Variants in PKHD1L1 observed in about 807,000 individuals in gnomAD.
The protein encoded by PKHD1L1 is PKHD1 like 1, also known as fibrocystin-L.
A neutral mutation model predicts 462.9 loss-of-function variants in PKHD1L1; 434 were observed. The ratio of observed to expected loss-of-function variants is 0.94; its 90% CI spans 0.87 to 1.02. PKHD1L1 has a LOEUF of 1.02. PKHD1L1 is among the 50% of genes least tolerant of loss of function. The pLI is 0.00. For synonymous variants in PKHD1L1, 1,781 were observed against 1,750.0 expected, an observed-to-expected ratio of 1.02 and a Z score of -0.44; for missense variants, 5,202 against 5,096.1, an observed-to-expected ratio of 1.02 and a Z score of -0.63.
At chr8:109,371,273 CATGTGTTTTTTGACTGCATGA>C (rs1346240814) in intron 2 of PKHD1L1, among the ~76,000 whole-genome samples, 1 of 152,184 alleles carries the variant, frequency 6.6e-6, no homozygotes, top group East Asian at 1.9e-4. Flanking sequence ...AGCATTTTTT[CATGTGTTTTTTGACTGCATGA>C]ATGTCTTCTT....
chr8:109,435,745 G>A (rs1815372201), intron 29 of PKHD1L1, among the ~76,000 whole-genome samples: 1 of 152,140 alleles, frequency 6.6e-6, no homozygotes, highest in African/African-American at 2.4e-5. Flanking sequence ...GGAAAGGAGG[G>A]CTAACACACA....
At chr8:109,399,096 T>C (rs1813122316) in intron 12 of PKHD1L1, among the ~76,000 whole-genome samples, 1 of 152,168 alleles carries the variant, frequency 6.6e-6, no homozygotes, top group Admixed American at 6.6e-5. Flanking sequence ...TCATATCTTG[T>C]TCGCACCGTG....
At chr8:109,502,567 TCAGAACCCAAC>T (rs1441359914) in intron 67 of PKHD1L1, among the ~76,000 whole-genome samples, 1 of 152,220 alleles carries the variant, frequency 6.6e-6, no homozygotes, top group African/African-American at 2.4e-5. Context: ...TTGGTAGGTC[TCAGAACCCAAC>T]CATCTCTTAA....
At chr8:109,502,309 T>C in intron 67 of PKHD1L1, among the ~76,000 whole-genome samples, 1 of 152,148 alleles carries the variant, frequency 6.6e-6, no homozygotes, top group African/African-American at 2.4e-5. Flanking sequence ...GCCATACTAG[T>C]GTATAATTCC....
chr8:109,459,143 G>A (rs560236910), intron 46 of PKHD1L1, among the ~76,000 whole-genome samples: 1 of 151,950 alleles, frequency 6.6e-6, no homozygotes, highest in Admixed American at 6.6e-5. Context: ...GTTATGTTGG[G>A]GAAATCCTGT....
At chr8:109,386,533 G>A (rs1412829254) in intron 6 of PKHD1L1, among the ~76,000 whole-genome samples, 1 of 152,102 alleles carries the variant, frequency 6.6e-6, no homozygotes. Context: ...AGGTTTTAAT[G>A]AGTGAAATAA....
At position 109,445,030 on chromosome 8, in the gene PKHD1L1, CT is replaced by C; in HGVS notation, c.5163del (p.Val1722TrpfsTer3). The C allele has an allele frequency of 6.2e-7, 1 of 1,613,960 alleles. No individual in the cohort carries two copies. Among genetic ancestry groups the C allele is most frequent in the Non-Finnish European group, 8.5e-7 (1 of 1,179,874 alleles). ...TGAAACATCCCCTGCTGCCCAACAGCTTGTGGATGTAGATCTTCTAATACAT... is the reference window on the plus strand; with the variant it reads ...TGAAACATCCCCTGCTGCCCAACAGCTGTGGATGTAGATCTTCTAATACAT... ...ECETSPAAQQ[L>X]VDVDLLIHGV... On this transcript the variant is annotated frameshift_variant, in exon 38 of 78. Coordinates refer to ENST00000378402, the MANE Select transcript of PKHD1L1 (RefSeq NM_177531.6). LOFTEE classifies it high-confidence loss of function.
intron 1 of PKHD1L1, among the ~76,000 whole-genome samples, chr8:109,363,315 T>C (rs951392489): frequency 2.0e-5 from 3 of 151,898 alleles, no homozygotes; most frequent in Non-Finnish European, 4.4e-5. Context: ...TGTGCGGGAA[T>C]AAGAACACCT....
chr8:109,422,722 C>T (rs1012267644), intron 23 of PKHD1L1, among the ~76,000 whole-genome samples: 11 of 151,962 alleles, frequency 7.2e-5, no homozygotes, highest in Admixed American at 6.6e-4. Context: ...CATTTTTTCT[C>T]GGTTAAATTC....
In PKHD1L1 at chr8:109,530,891, G is replaced by A. The variant is rs117636975; in HGVS notation, c.*801G>A. ...ATTCACTGTTTACTGGATGAATGAA[G>A]TATAAAGTGTGGGAAGTCAACAACA... On this transcript the variant is annotated 3_prime_UTR_variant, in exon 78 of 78. Transcript: ENST00000378402. 1.0e-3 allele frequency among the ~76,000 whole-genome samples: 156 copies of A among 152,286 alleles called. 2 individuals are homozygous for A. In the East Asian group the frequency reaches 0.022, roughly 21 times the overall value.
At chr8:109,519,180 C>T (rs1382990292) in intron 73 of PKHD1L1, among the ~76,000 whole-genome samples, 4 of 152,088 alleles carry the variant, frequency 2.6e-5, no homozygotes, top group Admixed American at 2.6e-4. Context: ...AGCGAATCAT[C>T]CTCACAAGCC....
intron 2 of PKHD1L1, among the ~76,000 whole-genome samples, chr8:109,380,746 T>G (rs1328328584): frequency 6.6e-6 from 1 of 152,158 alleles, no homozygotes; most frequent in Non-Finnish European, 1.5e-5. Context: ...TTCCTCACAT[T>G]TTGCTCTCTC....
chr8:109,384,153 CT>C, intron 5 of PKHD1L1, 26 bp downstream of exon 5: 1 of 1,542,112 alleles, frequency 6.5e-7, no homozygotes, highest in South Asian at 1.1e-5. Flanking sequence ...TCTGAAATAA[CT>C]TTTGGTTTCA....
chr8:109,375,399 C>T (rs182684781), intron 2 of PKHD1L1, among the ~76,000 whole-genome samples: 4,304 of 152,086 alleles, frequency 0.028, 101 homozygotes, highest in African/African-American at 0.057. Context: ...GTTAGCCATT[C>T]GTCTAATTTT....
intron 50 of PKHD1L1, 80 bp downstream of exon 50, chr8:109,466,849 C>G (rs1817468678): frequency 7.6e-7 from 1 of 1,318,258 alleles, no homozygotes; most frequent in Non-Finnish European, 1.0e-6. Flanking sequence ...TGCATTGTTA[C>G]TTGGTTGTTC....
rs1392173741 is a variant in PKHD1L1, at chr8:109,430,052, T to C, written c.3229+15T>C. ...CCCTTCTCAAGGTAACTTCCTGATT[T>C]TTAACCTATACTGGGTGTGAAAGAT... On this transcript the variant is annotated intron_variant, in intron 27 of 77. Transcript: ENST00000378402. 6.5e-7 allele frequency: 1 copy of C among 1,544,008 alleles called. No individual in the cohort carries two copies. The highest frequency in any genetic ancestry group is 8.9e-7 in the Non-Finnish European group (1 of 1,124,748).
intron 73 of PKHD1L1, among the ~76,000 whole-genome samples, chr8:109,519,117 C>T (rs1820421141): frequency 6.6e-6 from 1 of 152,032 alleles, no homozygotes. Flanking sequence ...ACAGATTCAG[C>T]CCAAAAAGGG....
chr8:109,406,157 G>A (rs12679711), intron 16 of PKHD1L1, among the ~76,000 whole-genome samples, 178 bp from the exon 17 acceptor site: 45,354 of 151,994 alleles, frequency 0.3, 7,340 homozygotes, highest in Admixed American at 0.43. Context: ...TAATTAAATA[G>A]TCAATATTAC....
chr8:109,479,799 G>A (rs1205538768), intron 54 of PKHD1L1, among the ~76,000 whole-genome samples, 160 bp downstream of exon 54: 1 of 152,078 alleles, frequency 6.6e-6, no homozygotes, highest in African/African-American at 2.4e-5. Flanking sequence ...TAGCCTTCTG[G>A]GGTTTCTGTG....
Sources: allele counts gnomAD v4.1 joint callset (sites outside exome capture counted in the v4.1 genomes callset), GRCh38; gene constraint gnomAD v4.1.1; transcripts MANE v1.5; gene names NCBI Gene and HGNC (gene_info 2026-07-23, HGNC 2026-07-21).